Variants in CATSPERE observed in about 807,000 individuals in gnomAD.
The protein encoded by CATSPERE is catsper channel auxiliary subunit epsilon, also known as cation channel sperm-associated auxiliary subunit epsilon.
CATSPERE carries 93 observed loss-of-function variants against 114.1 expected under a neutral mutation model. The ratio of observed to expected loss-of-function variants is 0.81; its 90% CI spans 0.69 to 0.97. CATSPERE has a LOEUF of 0.97. CATSPERE is among the 50% of genes least tolerant of loss of function. CATSPERE has a pLI of 0.00. For missense variants in CATSPERE, 1,058 were observed against 1,131.6 expected, an observed-to-expected ratio of 0.93 and a Z score of 0.93; for synonymous variants, 341 against 384.1, an observed-to-expected ratio of 0.89 and a Z score of 1.31.
chr1:244,461,053 CA>C (rs1666661309), upstream of CATSPERE, among the ~76,000 whole-genome samples: 1 of 152,184 alleles, frequency 6.6e-6, no homozygotes, highest in South Asian at 2.1e-4. Flanking sequence ...TTAAAAGTTT[CA>C]CATTCTTTCT....
At chr1:244,613,764 A>G (rs1671024873) in intron 19 of CATSPERE, among the ~76,000 whole-genome samples, 1 of 152,222 alleles carries the variant, frequency 6.6e-6, no homozygotes, top group African/African-American at 2.4e-5. Flanking sequence ...TTCTGGTAGT[A>G]TGTTTTGAAT....
chr1:244,466,242 T>C (rs1667586974), intron 2 of CATSPERE, among the ~76,000 whole-genome samples: 1 of 152,216 alleles, frequency 6.6e-6, no homozygotes, highest in African/African-American at 2.4e-5. Context: ...TTATATAAGA[T>C]TCTTTTATCA....
chr1:244,472,977 A>G (rs1668729414), intron 2 of CATSPERE, among the ~76,000 whole-genome samples: 1 of 152,162 alleles, frequency 6.6e-6, no homozygotes, highest in Non-Finnish European at 1.5e-5. Context: ...TTTAGCACTG[A>G]GTAATACTCT....
intron 6 of CATSPERE, among the ~76,000 whole-genome samples, chr1:244,491,493 G>C (rs1341735539): frequency 6.6e-6 from 1 of 151,910 alleles, no homozygotes; most frequent in African/African-American, 2.4e-5. Context: ...GAGAAAGCAG[G>C]AAAGATCCAA....
At chr1:244,576,267 G>A (rs1665250786) in intron 11 of CATSPERE, among the ~76,000 whole-genome samples, 1 of 151,778 alleles carries the variant, frequency 6.6e-6, no homozygotes, top group Non-Finnish European at 1.5e-5. Flanking sequence ...GAGGCAGTGG[G>A]GCACCTCCTC....
intron 2 of CATSPERE, among the ~76,000 whole-genome samples, chr1:244,469,756 A>G (rs1156676111): frequency 6.6e-6 from 1 of 152,184 alleles, no homozygotes; most frequent in Non-Finnish European, 1.5e-5. Context: ...TGAAACAGAA[A>G]AAGTGGAAGG....
chr1:244,494,989 G>C (rs1022760379), intron 6 of CATSPERE, among the ~76,000 whole-genome samples: 1 of 152,064 alleles, frequency 6.6e-6, no homozygotes, highest in Non-Finnish European at 1.5e-5. Context: ...AAATATAAGA[G>C]AACTTACAGA....
chr1:244,617,750 T>C, intron 20 of CATSPERE, 64 bp downstream of exon 20: 1 of 1,323,742 alleles, frequency 7.6e-7, no homozygotes, highest in Non-Finnish European at 1.0e-6. Context: ...TTTTTTTAAT[T>C]TGATGCATCC....
rs549336449 is a variant in CATSPERE at position 244,575,803 on chromosome 1, C to T, written c.1950+3031C>T. ...GTGGAGCTTAGCCTCTTTCTTCCAC[C>T]GAGAAGAGAGGAAAGGGAAGTTTTG... On this transcript the variant is annotated intron_variant, in intron 11 of 21. Coordinates refer to ENST00000366534, the MANE Select transcript of CATSPERE (RefSeq NM_001130957.2). The surrounding 1 kb of genome is among the most constrained non-coding windows in gnomAD (Gnocchi z 4.5). 3.9e-5 allele frequency among the ~76,000 whole-genome samples: 6 copies of T among 152,004 alleles called. No homozygotes were observed. In the East Asian group the frequency reaches 9.7e-4, roughly 25 times the overall value.
At chr1:244,606,136 G>A (rs1048475002) in intron 18 of CATSPERE, among the ~76,000 whole-genome samples, 8 of 152,182 alleles carry the variant, frequency 5.3e-5, no homozygotes, top group African/African-American at 1.4e-4. Context: ...TAAGTCAAAC[G>A]GACACTCTGG....
chr1:244,485,170 T>C (rs1342296819), intron 5 of CATSPERE, among the ~76,000 whole-genome samples: 3 of 124,476 alleles, frequency 2.4e-5, no homozygotes, highest in African/African-American at 8.4e-5. Context: ...ACATTGTCTT[T>C]TTTCTTTTTC....
At chr1:244,500,724 A>G (rs1220254186) in intron 7 of CATSPERE, among the ~76,000 whole-genome samples, 1 of 152,210 alleles carries the variant, frequency 6.6e-6, no homozygotes, top group African/African-American at 2.4e-5. Flanking sequence ...TGTTACCAGT[A>G]CCATGCTGTT....
chr1:244,494,027 T>C (rs1024127813), intron 6 of CATSPERE, among the ~76,000 whole-genome samples: 1 of 152,142 alleles, frequency 6.6e-6, no homozygotes, highest in African/African-American at 2.4e-5. Context: ...GTTGAACCAT[T>C]GTGGAAGTCA....
Position 244,525,745 on chromosome 1 carries a change from A to G in CATSPERE, c.536+7047A>G, listed in dbSNP as rs551929405. Among the ~76,000 whole-genome samples the G allele has an allele frequency of 1.8e-4, 27 of 152,298 alleles. No individual in the cohort carries two copies. In the South Asian group the frequency reaches 2.1e-3, roughly 12 times the overall value. On this transcript the variant is annotated intron_variant, in intron 8 of 21. Coordinates refer to ENST00000366534, the MANE Select transcript of CATSPERE (RefSeq NM_001130957.2). Reference sequence around the variant, plus strand: ...AATATTCGTAGCAGCATTGTTTGCAATTGCAAAAAAAGAAGAAGAAAGAAA... The same window carrying G: ...AATATTCGTAGCAGCATTGTTTGCAGTTGCAAAAAAAGAAGAAGAAAGAAA...
At chr1:244,624,111 G>GCCACCATGC (rs1348154871) in intron 20 of CATSPERE, among the ~76,000 whole-genome samples, 39 of 146,028 alleles carry the variant, frequency 2.7e-4, no homozygotes, top group Non-Finnish European at 5.2e-4. Context: ...ACAGGCGTCC[G>GCCACCATGC]CCACCATGCC....
At chr1:244,516,101 C>T (rs1337057677) in intron 7 of CATSPERE, among the ~76,000 whole-genome samples, 1 of 151,408 alleles carries the variant, frequency 6.6e-6, no homozygotes, top group Non-Finnish European at 1.5e-5. Flanking sequence ...TGAGGTTGGG[C>T]GATCGCTTGA....
chr1:244,461,368 G>C lies in CATSPERE; in HGVS notation c.-62G>C, dbSNP rs768872296. 15 of 1,280,878 alleles carry C rather than the reference G, an allele frequency of 1.2e-5. No homozygotes were observed. The highest frequency in any genetic ancestry group is 2.5e-4 in the Middle Eastern group (1 of 3,944). The allele number at this position is 1,280,878 out of a possible 1,614,324, so 79.3% of individuals were successfully genotyped here. On this transcript the variant is annotated 5_prime_UTR_variant, in exon 1 of 22. Transcript: ENST00000366534. The stretch of plus-strand genomic sequence containing the variant: ...GCCGCCCGCCGGGCCGACGTCCCAC[G>C]GGAATGCGCGAGGCCTGGACGGGAG...
rs1285549390 is a variant in CATSPERE, at chr1:244,611,433, T to TA, written c.2490+1119dup. Among the ~76,000 whole-genome samples the TA allele has an allele frequency of 4.3e-4, 62 of 145,410 alleles. 1 individual carries two copies. Among genetic ancestry groups the TA allele is most frequent in the African/African-American group, 7.6e-4 (30 of 39,642 alleles). On this transcript the variant is annotated intron_variant, in intron 19 of 21. Coordinates refer to ENST00000366534, the MANE Select transcript of CATSPERE (RefSeq NM_001130957.2). The stretch of plus-strand genomic sequence containing the variant: ...GGTAAGACCCCATCTTTACAAAAAT[T>TA]AAAAAAAAAAAATGAGCTGGGCCTG...
In CATSPERE at chr1:244,516,631, C is replaced by T. The variant is rs563243784; in HGVS notation, c.430-1961C>T. On this transcript the variant is annotated intron_variant, in intron 7 of 21. Coordinates refer to ENST00000366534, the MANE Select transcript of CATSPERE (RefSeq NM_001130957.2). ...CCACCTCCTGAGTTCAAGTGATTCT[C>T]CTGCCTCAGCCTCCTGAGTAGCTGG... 1.3e-5 allele frequency among the ~76,000 whole-genome samples: 2 copies of T among 152,114 alleles called. 1 individual carries two copies. Among genetic ancestry groups the T allele is most frequent in the African/African-American group, 4.8e-5 (2 of 41,412 alleles).
Sources: allele counts gnomAD v4.1 joint callset (sites outside exome capture counted in the v4.1 genomes callset), GRCh38; gene constraint gnomAD v4.1.1; non-coding constraint Gnocchi (gnomAD v3.1); transcripts MANE v1.5; gene names NCBI Gene and HGNC (gene_info 2026-07-23, HGNC 2026-07-21).